NHSL3: variants seen among roughly 807,000 people sequenced by gnomAD.
The protein encoded by NHSL3 is NHS-like protein 3.
At chr1:32,756,435 A>G in the NHSL3 span, among the ~76,000 whole-genome samples, 1 of 138,330 alleles carries the variant, frequency 7.2e-6, no homozygotes, top group Non-Finnish European at 1.5e-5. Context: ...ACTTGAGCCC[A>G]GGAGTTTGAG....
chr1:32,756,964 C>T, the NHSL3 span, among the ~76,000 whole-genome samples: 834 of 152,248 alleles, frequency 5.5e-3, 8 homozygotes, highest in African/African-American at 0.019. Flanking sequence ...AACTCGACTC[C>T]ATTTCAAAAA....
the NHSL3 span, chr1:32,754,290 C>A: frequency 1.7e-6 from 1 of 577,448 alleles, no homozygotes; most frequent in South Asian, 2.0e-5. Context: ...GTGGGGGGGT[C>A]GGGAATCCCC....
the NHSL3 span, chr1:32,767,893 A>AC: frequency 8.7e-6 from 14 of 1,611,362 alleles, no homozygotes; most frequent in African/African-American, 4.1e-5. Context: ...CCAGTGGGCG[A>AC]CCCCCCCACC....
the NHSL3 span, chr1:32,765,710 C>T: frequency 6.5e-6 from 10 of 1,543,228 alleles, no homozygotes; most frequent in East Asian, 7.3e-5. Flanking sequence ...AGGTACGCCC[C>T]GCGCTCTGCT....
chr1:32,768,340 C>T, the NHSL3 span, among the ~76,000 whole-genome samples: 5 of 151,988 alleles, frequency 3.3e-5, no homozygotes, highest in Non-Finnish European at 1.5e-5. Context: ...ACACCTGTAA[C>T]CCCAGCACTT....
the NHSL3 span, among the ~76,000 whole-genome samples, chr1:32,752,727 G>A: frequency 6.6e-6 from 1 of 151,718 alleles, no homozygotes; most frequent in Non-Finnish European, 1.5e-5. Context: ...ACAAGCATGA[G>A]CCACCACGCC....
the NHSL3 span, chr1:32,769,572 G>A: frequency 1.1e-6 from 1 of 948,110 alleles, no homozygotes. Context: ...CTTGACTGTG[G>A]AAACCATTTC....
the NHSL3 span, chr1:32,772,802 C>A: frequency 6.7e-7 from 1 of 1,500,848 alleles, no homozygotes; most frequent in Non-Finnish European, 9.3e-7. Context: ...CTTTGTTGGG[C>A]TCCTAGTGCC....
At chr1:32,753,763 C>T in the NHSL3 span, among the ~76,000 whole-genome samples, 34 of 152,340 alleles carry the variant, frequency 2.2e-4, no homozygotes, top group African/African-American at 7.5e-4. Flanking sequence ...AGAGCGGTAG[C>T]CTCTGGGCTG....
At chr1:32,756,657 CAAAAAAAAAAAA>C in the NHSL3 span, among the ~76,000 whole-genome samples, 2 of 49,958 alleles carry the variant, frequency 4.0e-5, no homozygotes, top group African/African-American at 8.4e-5. Flanking sequence ...ACCCTGTCTC[CAAAAAAAAAAAA>C]AAAAAAAAAA....
At chr1:32,761,442 C>G in the NHSL3 span, among the ~76,000 whole-genome samples, 1 of 152,168 alleles carries the variant, frequency 6.6e-6, no homozygotes, top group African/African-American at 2.4e-5. Context: ...GTGGCCCTGA[C>G]TGCCAGCTGT....
the NHSL3 span, chr1:32,773,262 A>G: frequency 3.6e-6 from 1 of 276,474 alleles, no homozygotes; most frequent in Admixed American, 4.5e-5. Flanking sequence ...CCATGCACAT[A>G]CTATAGTCCA....
chr1:32,770,362 C>T, the NHSL3 span: 45 of 1,609,568 alleles, frequency 2.8e-5, no homozygotes, highest in Admixed American at 5.0e-5. The surrounding 1 kb of genome is among the most constrained non-coding windows in gnomAD (Gnocchi z 8.3). Context: ...CTCGCTGGGG[C>T]GCTTCTCCTC....
At chr1:32,770,186 A>G in the NHSL3 span, 3,875 of 1,602,902 alleles carry the variant, frequency 2.4e-3, 10 homozygotes, top group Non-Finnish European at 3.0e-3. The surrounding 1 kb of genome is among the most constrained non-coding windows in gnomAD (Gnocchi z 8.3). Flanking sequence ...GGGCCTGCAG[A>G]GCCCCTGAGC....
chr1:32,741,975 C>A, the NHSL3 span: 11 of 1,151,716 alleles, frequency 9.6e-6, no homozygotes, highest in Non-Finnish European at 1.2e-5. The surrounding 1 kb of genome is among the most constrained non-coding windows in gnomAD (Gnocchi z 4.3). Context: ...GCGCGCCCCC[C>A]GCCGCACCTG....
chr1:32,755,532 TC>T, the NHSL3 span, among the ~76,000 whole-genome samples: 1 of 152,096 alleles, frequency 6.6e-6, no homozygotes, highest in Non-Finnish European at 1.5e-5. Context: ...CTTTCACTTG[TC>T]TGGACCACTC....
At chr1:32,749,263 T>A in the NHSL3 span, among the ~76,000 whole-genome samples, 84 of 152,294 alleles carry the variant, frequency 5.5e-4, no homozygotes, top group Non-Finnish European at 1.0e-3. Flanking sequence ...TGGGACCAGC[T>A]GGCTATCTGG....
the NHSL3 span, chr1:32,765,804 T>C: frequency 6.5e-7 from 1 of 1,547,348 alleles, no homozygotes; most frequent in Middle Eastern, 1.7e-4. Context: ...CTCCCGGCGC[T>C]CCTAGGGCTG....
the NHSL3 span, among the ~76,000 whole-genome samples, chr1:32,761,511 C>T: frequency 6.6e-6 from 1 of 152,126 alleles, no homozygotes; most frequent in African/African-American, 2.4e-5. Context: ...GGAGCTCAGC[C>T]CTTAGTTTCC....
Sources: allele counts gnomAD v4.1 joint callset (sites outside exome capture counted in the v4.1 genomes callset), GRCh38; gene constraint gnomAD v4.1.1; non-coding constraint Gnocchi (gnomAD v3.1); transcripts MANE v1.5; gene names NCBI Gene and HGNC (gene_info 2026-07-23, HGNC 2026-07-21).